The following UBAC2 variants were observed in gnomAD, a reference collection of about 807,000 sequenced individuals.
UBAC2 encodes UBA domain containing 2, also known as ubiquitin-associated domain-containing protein 2.
Under a neutral mutation model 44.0 loss-of-function variants are expected in UBAC2, and 26 were observed. That is an observed-to-expected ratio of 0.59 (90% CI 0.43 to 0.82). The LOEUF is 0.82. Ranked by LOEUF, UBAC2 falls within the 40% of genes least tolerant of loss-of-function variation. UBAC2 has a pLI of 0.00. For synonymous variants in UBAC2, 155 were observed against 154.3 expected, an observed-to-expected ratio of 1.00 and a Z score of -0.04; for missense variants, 329 against 419.4, an observed-to-expected ratio of 0.78 and a Z score of 1.88.
At chr13:99,277,118 T>C (rs2043893967) in intron 4 of UBAC2, among the ~76,000 whole-genome samples, 1 of 152,176 alleles carries the variant, frequency 6.6e-6, no homozygotes, top group Non-Finnish European at 1.5e-5. Flanking sequence ...GATCATCTAC[T>C]CTTCATCTTT....
intron 6 of UBAC2, among the ~76,000 whole-genome samples, chr13:99,336,313 C>A (rs1194109135): frequency 6.6e-6 from 1 of 152,154 alleles, no homozygotes; most frequent in Admixed American, 6.5e-5. Flanking sequence ...TAGCTTTTGG[C>A]ATACTACAGC....
At chr13:99,207,819 A>G (rs2042890325) in intron 1 of UBAC2, among the ~76,000 whole-genome samples, 1 of 152,086 alleles carries the variant, frequency 6.6e-6, no homozygotes, top group Admixed American at 6.6e-5. Flanking sequence ...CGGAACCTGA[A>G]TACCCTGTCC....
intron 1 of UBAC2, among the ~76,000 whole-genome samples, chr13:99,233,526 G>A (rs1225333931): frequency 6.6e-6 from 1 of 152,156 alleles, no homozygotes; most frequent in African/African-American, 2.4e-5. Context: ...AGATGAGTGG[G>A]TAGGTGGAGC....
chr13:99,289,968 G>C (rs2044068121), intron 4 of UBAC2, among the ~76,000 whole-genome samples: 2 of 152,212 alleles, frequency 1.3e-5, no homozygotes. Flanking sequence ...GGAACTTGAG[G>C]ATATTTGGTG....
chr13:99,305,572 T>C (rs997636331), intron 4 of UBAC2, among the ~76,000 whole-genome samples: 21 of 152,202 alleles, frequency 1.4e-4, no homozygotes, highest in African/African-American at 5.1e-4. Context: ...ATCTAGTAAA[T>C]ATCTATAGAA....
intron 4 of UBAC2, among the ~76,000 whole-genome samples, chr13:99,250,682 T>C (rs1316687758): frequency 6.6e-6 from 1 of 152,222 alleles, no homozygotes; most frequent in Non-Finnish European, 1.5e-5. Context: ...TTTAATGATA[T>C]TGATTGTTTC....
At chr13:99,377,017 CG>C (rs1468212062) in intron 8 of UBAC2, 1 of 152,376 alleles carries the variant, frequency 6.6e-6, no homozygotes, top group Non-Finnish European at 1.5e-5. Context: ...CCTCCACTCA[CG>C]CCAGAACAAG....
rs192225223 is a variant in UBAC2 at position 99,259,152 on chromosome 13, C to T, written c.389+14528C>T. 5.9e-5 allele frequency among the ~76,000 whole-genome samples: 9 copies of T among 152,226 alleles called. No homozygotes were observed. The East Asian group carries it at 7.7e-4, about 13-fold the overall frequency. ...AACCAGCAGAAAGGGAAGTGAGCAACGAATCGCTGCCTGCCTTGTTAGGTT... is the reference window on the plus strand; with the variant it reads ...AACCAGCAGAAAGGGAAGTGAGCAATGAATCGCTGCCTGCCTTGTTAGGTT... On this transcript the variant is annotated intron_variant, in intron 4 of 8. Coordinates refer to ENST00000403766, the MANE Select transcript of UBAC2 (RefSeq NM_001144072.2).
At chr13:99,363,133 ACGGGCTC>A (rs963377168) in intron 7 of UBAC2, among the ~76,000 whole-genome samples, 2 of 152,200 alleles carry the variant, frequency 1.3e-5, no homozygotes, top group African/African-American at 4.8e-5. Flanking sequence ...TGTATTCAGT[ACGGGCTC>A]ATAACCAAGT....
intron 1 of UBAC2, among the ~76,000 whole-genome samples, chr13:99,227,073 C>T (rs976630231): frequency 6.6e-6 from 1 of 152,052 alleles, no homozygotes. Context: ...TGGTGCATGC[C>T]TGTAATCCCA....
At chr13:99,315,846 C>T (rs2044481175) in intron 5 of UBAC2, among the ~76,000 whole-genome samples, 1 of 151,978 alleles carries the variant, frequency 6.6e-6, no homozygotes, top group African/African-American at 2.4e-5. Context: ...TATGTTTCAT[C>T]TCTCGGGGAA....
Position 99,254,652 on chromosome 13 carries a change from A to G in UBAC2, c.389+10028A>G, listed in dbSNP as rs1209963360. 6 of 433,550 alleles carry G rather than the reference A, an allele frequency of 1.4e-5. No individual in the cohort carries two copies. In the East Asian group the frequency reaches 2.5e-4, roughly 18 times the overall value. The allele number at this position is 433,550 out of a possible 1,614,324, so 26.9% of individuals were successfully genotyped here. ...TGTGTCGCTTGCACATAGAAATGCA[A>G]AAAGTTAATTATCTGTGTGAACAAG... is the stretch of plus-strand genomic sequence containing the variant. On this transcript the variant is annotated intron_variant, in intron 4 of 8. Transcript: ENST00000403766.
chr13:99,331,152 C>T (rs900311214), intron 6 of UBAC2, among the ~76,000 whole-genome samples: 1 of 152,334 alleles, frequency 6.6e-6, no homozygotes, highest in Non-Finnish European at 1.5e-5. Context: ...TAAGTCCTGG[C>T]GTCCTGGCCA....
chr13:99,201,110 GC>G, intron 1 of UBAC2, 171 bp downstream of exon 1: 1 of 1,346,800 alleles, frequency 7.4e-7, no homozygotes, highest in Non-Finnish European at 9.6e-7. Context: ...AGCGGAAACC[GC>G]CCCCATTTCG....
intron 7 of UBAC2, among the ~76,000 whole-genome samples, chr13:99,355,716 G>A (rs1248098009): frequency 1.3e-5 from 2 of 152,242 alleles, no homozygotes; most frequent in Admixed American, 6.5e-5. Flanking sequence ...CAAAACAAAC[G>A]AGAGCCAGGA....
At position 99,295,101 on chromosome 13, in the gene UBAC2, T is replaced by C. The variant is rs966432217; in HGVS notation, c.390-18996T>C. 6.2e-7 allele frequency: 1 copy of C among 1,613,982 alleles called. No individual in the cohort carries two copies. Among genetic ancestry groups the C allele is most frequent in the Non-Finnish European group, 8.5e-7 (1 of 1,179,984 alleles). On this transcript the variant is annotated intron_variant, in intron 4 of 8. Coordinates refer to ENST00000403766, the MANE Select transcript of UBAC2 (RefSeq NM_001144072.2). The surrounding 1 kb of genome is among the most constrained non-coding windows in gnomAD (Gnocchi z 4.1). ...GACTTGGAATGTATCATCATCTGCG[T>C]TTCTGTCATTTCACGTGAATTTTCT...
chr13:99,306,597 G>A (rs1256411622), intron 4 of UBAC2, among the ~76,000 whole-genome samples: 1 of 151,888 alleles, frequency 6.6e-6, no homozygotes, highest in Non-Finnish European at 1.5e-5. Flanking sequence ...CTTCTATTTT[G>A]CCAAGTTTCT....
At position 99,340,497 on chromosome 13, in the gene UBAC2, A is replaced by G. The variant is rs1158012338; in HGVS notation, c.739A>G (p.Met247Val). The change falls in exon 7 of 9, where the codon ATG (methionine) becomes GTG (valine). Residue 247 changes from methionine to valine, a missense_variant. Coordinates refer to ENST00000403766, the MANE Select transcript of UBAC2 (RefSeq NM_001144072.2). ...ATLDIQRQQR[M>V]ELLDRQLMFS... Reference sequence around the variant, plus strand: ...GCTGGACATCCAGAGACAGCAGAGAATGGAGCTGCTGGACCGGCAGCTGAT... The same window carrying G: ...GCTGGACATCCAGAGACAGCAGAGAGTGGAGCTGCTGGACCGGCAGCTGAT... The G allele has an allele frequency of 1.2e-6, 2 of 1,614,200 alleles. No individual in the cohort carries two copies. Among genetic ancestry groups the G allele is most frequent in the Admixed American group, 1.7e-5 (1 of 60,032 alleles).
chr13:99,382,678 C>A (rs536356092), intron 8 of UBAC2, among the ~76,000 whole-genome samples: 25 of 152,318 alleles, frequency 1.6e-4, no homozygotes, highest in Non-Finnish European at 2.8e-4. Flanking sequence ...TGGGAGTTCA[C>A]AGTGGTGGGG....
Sources: allele counts gnomAD v4.1 joint callset (sites outside exome capture counted in the v4.1 genomes callset), GRCh38; gene constraint gnomAD v4.1.1; non-coding constraint Gnocchi (gnomAD v3.1); transcripts MANE v1.5; gene names NCBI Gene and HGNC (gene_info 2026-07-23, HGNC 2026-07-21).